SLC36A4: variants seen among roughly 807,000 people sequenced by gnomAD.
The protein encoded by SLC36A4 is neutral amino acid uniporter 4.
In SLC36A4, 49 loss-of-function variants were observed where a neutral mutation model predicts 50.5. The ratio of observed to expected loss-of-function variants is 0.97; its 90% CI spans 0.77 to 1.23. The LOEUF (loss-of-function observed/expected upper bound fraction) is 1.23, where lower values mean the gene tolerates loss of function less well. Among genes scored for constraint, SLC36A4 ranks in the 50% most tolerant of loss-of-function variants. The pLI is 0.00. For missense variants in SLC36A4, 611 were observed against 608.4 expected (o/e 1.00, Z -0.05); for synonymous variants, 207 against 206.5 (o/e 1.00, Z -0.02).
At chr11:93,162,176 C>T (rs1297303888) in intron 9 of SLC36A4, among the ~76,000 whole-genome samples, 4 of 152,082 alleles carry the variant, frequency 2.6e-5, no homozygotes, top group African/African-American at 7.2e-5. Context: ...TACTCTTATA[C>T]TTGACTTGGA....
chr11:93,180,943 T>C lies in SLC36A4; in HGVS notation c.456-62A>G. 1.8e-6 allele frequency: 2 copies of C among 1,139,100 alleles called. 1 individual carries two copies. The highest frequency in any genetic ancestry group is 2.6e-6 in the Non-Finnish European group (2 of 762,344). 70.6% of individuals were successfully genotyped at this position (1,139,100 alleles called of 1,614,324 possible). A position where few individuals can be genotyped will look rare whatever the true frequency, so the allele number is the denominator to read the frequency against. On this transcript the variant is annotated intron_variant, in intron 5 of 10. Transcript: ENST00000326402. ...GCTACTGAAATGTCAATATATTTTA[T>C]TTCTCTTTTCAAGAGTTTTAAAACA... is the stretch of plus-strand genomic sequence containing the variant.
chr11:93,195,600 C>T (rs957038067), intron 1 of SLC36A4, among the ~76,000 whole-genome samples: 5 of 152,200 alleles, frequency 3.3e-5, no homozygotes, highest in African/African-American at 1.2e-4. Flanking sequence ...GATCATGACA[C>T]TCCTCTGTTC....
chr11:93,144,987 ATCT>A lies in SLC36A4; in HGVS notation c.*3547_*3549del, dbSNP rs1859820143. The A allele has an allele frequency of 6.6e-6, 1 of 152,032 alleles. No individual in the cohort carries two copies. The highest frequency in any genetic ancestry group is 1.5e-5 in the Non-Finnish European group (1 of 67,958). The allele number at this position is 152,032 out of a possible 1,614,324, so 9.4% of individuals were successfully genotyped here. On this transcript the variant is annotated 3_prime_UTR_variant, in exon 11 of 11. Transcript: ENST00000326402. Reference sequence around the variant, plus strand: ...ATTATTTACACTAGCTCTATTTCAAATCTTCTCCTTTTAAATGAAGAAAGAAGT... The same window carrying A: ...ATTATTTACACTAGCTCTATTTCAAATCTCCTTTTAAATGAAGAAAGAAGT...
At chr11:93,189,440 T>C (rs1365832182) in intron 1 of SLC36A4, among the ~76,000 whole-genome samples, 8 of 152,012 alleles carry the variant, frequency 5.3e-5, no homozygotes, top group Non-Finnish European at 5.9e-5. Context: ...TATGACAACA[T>C]ATAAATTGAG....
At chr11:93,172,775 T>C (rs1223992036) in intron 6 of SLC36A4, among the ~76,000 whole-genome samples, 1 of 130,876 alleles carries the variant, frequency 7.6e-6, no homozygotes, top group Non-Finnish European at 1.6e-5. Flanking sequence ...GGACATGAAC[T>C]CATCATTTTT....
chr11:93,162,722 G>C lies in SLC36A4; in HGVS notation c.1021C>G (p.Leu341Val), dbSNP rs760484459. ...TACACCTACCATACATCTTGGGGAA[G>C]ATTTAAAGTTATGCTGCCTTTGATT... The part of the protein sequence containing the change: ...DEIKGSITLN[L>V]PQDVWLYQSV... The change falls in exon 9 of 11, where the codon CTT (leucine) becomes GTT (valine). Residue 341 changes from leucine (L) to valine (V), a missense_variant. Transcript: ENST00000326402. The C allele has an allele frequency of 2.5e-6, 4 of 1,609,556 alleles. No homozygotes were observed. The highest frequency in any genetic ancestry group is 1.7e-6 in the Non-Finnish European group (2 of 1,178,520).
intron 9 of SLC36A4, chr11:93,160,833 A>C (rs1345264972): frequency 1.2e-6 from 1 of 807,336 alleles, no homozygotes; most frequent in Non-Finnish European, 1.5e-6. Context: ...CCTAGTCAAA[A>C]TATTATTGTT....
chr11:93,193,125 A>T (rs1862281762), intron 1 of SLC36A4: 1 of 599,102 alleles, frequency 1.7e-6, no homozygotes, highest in Non-Finnish European at 2.1e-6. Flanking sequence ...CTTTGACAAA[A>T]ATTAGAAATA....
chr11:93,172,302 C>T (rs971187635), intron 6 of SLC36A4, among the ~76,000 whole-genome samples: 1 of 152,000 alleles, frequency 6.6e-6, no homozygotes, highest in African/African-American at 2.4e-5. Context: ...TATTTAGTTA[C>T]ATGAGTAAGT....
chr11:93,177,213 G>A (rs937245919), intron 6 of SLC36A4, among the ~76,000 whole-genome samples: 1 of 151,954 alleles, frequency 6.6e-6, no homozygotes, highest in African/African-American at 2.4e-5. Context: ...TTCAATCACT[G>A]ATACCCTTTC....
intron 4 of SLC36A4, 66 bp downstream of exon 4, chr11:93,182,740 A>C (rs1488377603): frequency 1.5e-5 from 18 of 1,182,988 alleles, no homozygotes; most frequent in Non-Finnish European, 2.2e-5. Flanking sequence ...GTAGAATATA[A>C]GACTATCTGA....
At chr11:93,178,398 C>T (rs989252764) in intron 6 of SLC36A4, among the ~76,000 whole-genome samples, 9 of 152,164 alleles carry the variant, frequency 5.9e-5, no homozygotes, top group African/African-American at 2.2e-4. Flanking sequence ...GGGCTGCACC[C>T]ACTGTCCAAC....
At chr11:93,188,668 T>C (rs1031255308) in intron 1 of SLC36A4, among the ~76,000 whole-genome samples, 1 of 152,222 alleles carries the variant, frequency 6.6e-6, no homozygotes, top group Non-Finnish European at 1.5e-5. Flanking sequence ...GGATATCTAC[T>C]ATCTCACATT....
chr11:93,165,310 G>T (rs986492110), intron 8 of SLC36A4, among the ~76,000 whole-genome samples: 11 of 152,052 alleles, frequency 7.2e-5, no homozygotes, highest in African/African-American at 2.4e-4. Context: ...AAATAAACTG[G>T]GAGCTACCTG....
intron 6 of SLC36A4, among the ~76,000 whole-genome samples, chr11:93,169,702 C>T (rs1861044705): frequency 6.6e-6 from 1 of 152,042 alleles, no homozygotes; most frequent in South Asian, 2.1e-4. Flanking sequence ...AAATGCACAG[C>T]TCATGACTAT....
At chr11:93,160,562 C>G (rs1860572864) in intron 9 of SLC36A4, 1 of 985,242 alleles carries the variant, frequency 1.0e-6, no homozygotes, top group Admixed American at 6.2e-5. Context: ...CAGTGTCACC[C>G]TCCAAGATTG....
At chr11:93,196,128 CTG>C (rs1477812797) in intron 1 of SLC36A4, among the ~76,000 whole-genome samples, 1 of 152,102 alleles carries the variant, frequency 6.6e-6, no homozygotes, top group Non-Finnish European at 1.5e-5. Flanking sequence ...CTTAAAAAAA[CTG>C]AAATAATTTG....
chr11:93,175,096 A>G (rs1024311692), intron 6 of SLC36A4, among the ~76,000 whole-genome samples: 21 of 151,736 alleles, frequency 1.4e-4, no homozygotes, highest in African/African-American at 4.6e-4. Flanking sequence ...TTTGGTTGGT[A>G]AACTATTGAT....
In SLC36A4 at chr11:93,160,232, G is replaced by C. The variant is rs1649791951; in HGVS notation, c.1037+2474C>G. On this transcript the variant is annotated intron_variant, in intron 9 of 10. Transcript: ENST00000326402. ...AGAGTCCACACAGAAACAGACTATA[G>C]GCTGCATAGGGCATATCTCCACAGT... 8 of 985,228 alleles carry C rather than the reference G, an allele frequency of 8.1e-6. No homozygotes were observed. The South Asian group carries it at 3.8e-4, about 46-fold the overall frequency. 61.0% of individuals were successfully genotyped at this position (985,228 alleles called of 1,614,324 possible).
Sources: gnomAD v4.1 joint callset for allele counts (sites outside exome capture counted in the v4.1 genomes callset) on GRCh38, gnomAD v4.1.1 for gene constraint, MANE v1.5 for transcripts, NCBI Gene and HGNC (gene_info 2026-07-23, HGNC 2026-07-21) for gene names.